Variants in MIDN observed in about 807,000 individuals in gnomAD.
MIDN encodes the protein midnolin.
In MIDN, 26 loss-of-function variants were observed where a neutral mutation model predicts 46.1. The observed-to-expected ratio is 0.56, with a 90% CI of 0.41 to 0.78. The LOEUF (loss-of-function observed/expected upper bound fraction) is 0.78, where lower values mean the gene tolerates loss of function less well. MIDN is among the 30% of genes least tolerant of loss of function. MIDN has a pLI of 0.00. For synonymous variants in MIDN, 432 were observed against 343.3 expected, an observed-to-expected ratio of 1.26 and a Z score of -2.86; for missense variants, 850 against 771.8, an observed-to-expected ratio of 1.10 and a Z score of -1.20.
chr19:1,250,312 G>C lies in MIDN; in HGVS notation c.16G>C (p.Gly6Arg). The change falls in exon 2 of 9, where the codon GGC (glycine) becomes CGC (arginine). Residue 6 changes from glycine (G) to arginine (R), a missense_variant. By Grantham distance (125) the Gly-to-Arg change is moderately radical. Coordinates refer to ENST00000682408, the MANE Select transcript of MIDN (RefSeq NM_001388306.1). MEPQP[G>R]GARSCRRGAP... ...CGCGCCGGGGATGGAGCCGCAGCCC[G>C]GCGGCGCCCGGAGCTGCCGGCGCGG... 1 of 991,768 alleles carries C rather than the reference G, an allele frequency of 1.0e-6. No individual in the cohort carries two copies. The highest frequency in any genetic ancestry group is 1.2e-6 in the Non-Finnish European group (1 of 835,436). 61.4% of individuals were successfully genotyped at this position (991,768 alleles called of 1,614,324 possible). A position where few individuals can be genotyped will look rare whatever the true frequency, so the allele number is the denominator to read the frequency against.
chr19:1,255,218 C>T (rs771268179), intron 7 of MIDN, among the ~76,000 whole-genome samples, 157 bp downstream of exon 7: 6 of 152,264 alleles, frequency 3.9e-5, no homozygotes, highest in South Asian at 2.1e-4. Flanking sequence ...CCCACACACA[C>T]GCCTGGCCCT....
intron 7 of MIDN, 145 bp downstream of exon 7, chr19:1,255,206 C>T (rs552207280): frequency 1.7e-6 from 2 of 1,172,762 alleles, no homozygotes; most frequent in East Asian, 5.1e-5. Context: ...CCCCAGGAAT[C>T]CCCCACACAC....
At position 1,258,588 on chromosome 19, in the gene MIDN, C is replaced by G. The variant is rs1461509326; in HGVS notation, c.*1316C>G. ...CCCACCTGTCGGTCTTGTCCTGGCT[C>G]TGCCTGTCCCCCACCGTTGTTCTCG... On this transcript the variant is annotated 3_prime_UTR_variant, in exon 9 of 9. Coordinates refer to ENST00000682408, the MANE Select transcript of MIDN (RefSeq NM_001388306.1). The G allele has an allele frequency of 6.6e-6, 1 of 152,352 alleles. No individual in the cohort carries two copies. Among genetic ancestry groups the G allele is most frequent in the Non-Finnish European group, 1.5e-5 (1 of 68,026 alleles). The allele number at this position is 152,352 out of a possible 1,614,324, so 9.4% of individuals were successfully genotyped here. A position where few individuals can be genotyped will look rare whatever the true frequency, so the allele number is the denominator to read the frequency against.
intron 4 of MIDN, among the ~76,000 whole-genome samples, chr19:1,253,171 C>A (rs567409881): frequency 6.6e-6 from 1 of 151,916 alleles, no homozygotes; most frequent in South Asian, 2.1e-4. Flanking sequence ...GGGACTCCAG[C>A]TGCTCTCGGG....
In MIDN at chr19:1,254,307, C is replaced by CGCT. The variant is rs1258265880; in HGVS notation, c.660_662dup (p.Ala221dup). On this transcript the variant is annotated inframe_insertion, in exon 6 of 9. Coordinates refer to ENST00000682408, the MANE Select transcript of MIDN (RefSeq NM_001388306.1). ...ATGTGCTGGCCGCTGCGGCCGCCGCCGCTGCTGCGCGGGGGGACCCCAGCA... is the reference window on the plus strand; with the variant it reads ...ATGTGCTGGCCGCTGCGGCCGCCGCCGCTGCTGCTGCGCGGGGGGACCCCAGCA... The CGCT allele has an allele frequency of 1.9e-6, 3 of 1,568,006 alleles. No homozygotes were observed. Among genetic ancestry groups the CGCT allele is most frequent in the Non-Finnish European group, 2.6e-6 (3 of 1,164,498 alleles).
At chr19:1,254,516 A>C (rs201018602) in intron 6 of MIDN, 38 bp downstream of exon 6, 3 of 1,533,024 alleles carry the variant, frequency 2.0e-6, no homozygotes, top group Admixed American at 2.0e-5. Context: ...CTTGGTTGGA[A>C]TCCAAAGGGT....
At position 1,258,453 on chromosome 19, in the gene MIDN, G is replaced by T. The variant is rs1426109386; in HGVS notation, c.*1181G>T. ...CCTAGGGGTGTCTGTCTCCAGAGGG[G>T]AGGGACAAATCCCCTACTGGGGCCA... On this transcript the variant is annotated 3_prime_UTR_variant, in exon 9 of 9. Coordinates refer to ENST00000682408, the MANE Select transcript of MIDN (RefSeq NM_001388306.1). 1 of 152,564 alleles carries T rather than the reference G, an allele frequency of 6.6e-6. No homozygotes were observed. The highest frequency in any genetic ancestry group is 1.5e-5 in the Non-Finnish European group (1 of 68,046). The allele number at this position is 152,564 out of a possible 1,614,324, so 9.5% of individuals were successfully genotyped here.
rs1029585141 is a variant in MIDN at position 1,257,680 on chromosome 19, C to T, written c.*408C>T. 2 of 198,542 alleles carry T rather than the reference C, an allele frequency of 1.0e-5. No individual in the cohort carries two copies. Among genetic ancestry groups the T allele is most frequent in the Non-Finnish European group, 2.0e-5 (2 of 97,884 alleles). The allele number at this position is 198,542 out of a possible 1,614,324, so 12.3% of individuals were successfully genotyped here. ...ATCCCTTCCGCCGCCTCCTTTCCCC[C>T]CCGACCCTATTCAGGTTTTAAGTCA... On this transcript the variant is annotated 3_prime_UTR_variant, in exon 9 of 9. Coordinates refer to ENST00000682408, the MANE Select transcript of MIDN (RefSeq NM_001388306.1).
rs1277370548 is a variant in MIDN at position 1,255,385 on chromosome 19, G to T, written c.986-37G>T. 2.6e-6 allele frequency: 4 copies of T among 1,544,750 alleles called. No individual in the cohort carries two copies. In the African/African-American group the frequency reaches 4.1e-5, roughly 16 times the overall value. On this transcript the variant is annotated intron_variant, in intron 7 of 8. Coordinates refer to ENST00000682408, the MANE Select transcript of MIDN (RefSeq NM_001388306.1). ...GCCCGTCCTGGACATGCGGGACTGT[G>T]CCCGTGCCGGGCACTCACGGCCACC...
Position 1,257,548 on chromosome 19 carries a change from CT to C in MIDN, c.*279del. ...CTCCTCCTCCTCCTCCGTCTGTCTC[CT>C]TTCACCTCTGCGCCAGGTCGGTCCT... On this transcript the variant is annotated 3_prime_UTR_variant, in exon 9 of 9. Coordinates refer to ENST00000682408, the MANE Select transcript of MIDN (RefSeq NM_001388306.1). 2.5e-6 allele frequency: 1 copy of C among 394,238 alleles called. No homozygotes were observed. The highest frequency in any genetic ancestry group is 4.5e-6 in the Non-Finnish European group (1 of 222,138). The allele number at this position is 394,238 out of a possible 1,614,324, so 24.4% of individuals were successfully genotyped here. A position where few individuals can be genotyped will look rare whatever the true frequency, so the allele number is the denominator to read the frequency against.
At chr19:1,255,843 C>T (rs890023638) in intron 8 of MIDN, 149 bp downstream of exon 8, 27 of 750,318 alleles carry the variant, frequency 3.6e-5, no homozygotes, top group African/African-American at 1.1e-4. Flanking sequence ...TGCTCCAGCC[C>T]GGAGAGAAGG....
chr19:1,248,757 G>T (rs1022871311), intron 1 of MIDN, 97 bp downstream of exon 1: 1 of 152,218 alleles, frequency 6.6e-6, no homozygotes, highest in African/African-American at 2.4e-5. Flanking sequence ...GGACAGGAGG[G>T]ATCGGGGAGC....
In MIDN at chr19:1,256,700, G is replaced by T. The variant is rs954505228; in HGVS notation, c.1259-295G>T. ...AGCTAATTTTGTAATTTTTGTAGAG[G>T]AGGGGTCTCGCTCTGTGGCTCAGGC... On this transcript the variant is annotated intron_variant, in intron 8 of 8. Coordinates refer to ENST00000682408, the MANE Select transcript of MIDN (RefSeq NM_001388306.1). Among the ~76,000 whole-genome samples the T allele has an allele frequency of 6.6e-6, 1 of 152,120 alleles. No individual in the cohort carries two copies. The highest frequency in any genetic ancestry group is 1.9e-4 in the East Asian group (1 of 5,192).
intron 2 of MIDN, among the ~76,000 whole-genome samples, 158 bp downstream of exon 2, chr19:1,250,687 G>A (rs2081114873): frequency 6.6e-6 from 1 of 150,746 alleles, no homozygotes; most frequent in Non-Finnish European, 1.5e-5. Flanking sequence ...CGCCTGCCTC[G>A]GCCCCCTCCC....
Position 1,257,300 on chromosome 19 carries a change from T to TC in MIDN, c.*29dup. On this transcript the variant is annotated 3_prime_UTR_variant, in exon 9 of 9. Transcript: ENST00000682408. ...TCTTCGGATCGGCCACCCTCGCCCC[T>TC]CGCACCCCAGCCCAGGGCGGCGGGG... The TC allele has an allele frequency of 6.2e-7, 1 of 1,600,170 alleles. No individual in the cohort carries two copies.
intron 8 of MIDN, among the ~76,000 whole-genome samples, chr19:1,256,606 C>T (rs1007006238): frequency 1.3e-5 from 2 of 152,094 alleles, no homozygotes; most frequent in Admixed American, 1.3e-4. Flanking sequence ...ACCTCCCCAG[C>T]TCATGGCTGA....
chr19:1,252,341 G>T (rs1456107646), intron 4 of MIDN, among the ~76,000 whole-genome samples: 2 of 151,984 alleles, frequency 1.3e-5, no homozygotes, highest in African/African-American at 2.4e-5. Flanking sequence ...TCCGCCTTCC[G>T]TGACCCCCAT....
chr19:1,255,634 G>A lies in MIDN; in HGVS notation c.1198G>A (p.Ala400Thr). Reference protein sequence around the residue: ...PRTTSCEKLTAAPSASLLQGQ... With the variant: ...PRTTSCEKLTTAPSASLLQGQ... ...AACTACCTCCTGCGAGAAGCTCACG[G>A]CTGCCCCCTCAGCCTCCCTGCTGCA... Residue 400 changes from alanine to threonine, a missense_variant, in exon 8 of 9, where the codon GCT becomes ACT. By Grantham distance (58) the Ala-to-Thr change is moderately conservative (BLOSUM62 0). Transcript: ENST00000682408. The A allele has an allele frequency of 6.2e-7, 1 of 1,605,744 alleles. No individual in the cohort carries two copies. The highest frequency in any genetic ancestry group is 8.5e-7 in the Non-Finnish European group (1 of 1,178,824).
intron 8 of MIDN, among the ~76,000 whole-genome samples, chr19:1,256,232 C>T (rs187145116): frequency 1.3e-5 from 2 of 152,204 alleles, no homozygotes; most frequent in African/African-American, 4.8e-5. Flanking sequence ...GCCTGTAATC[C>T]CAGCACTTTG....
Sources: gnomAD v4.1 joint callset for allele counts (sites outside exome capture counted in the v4.1 genomes callset) on GRCh38, gnomAD v4.1.1 for gene constraint, MANE v1.5 for transcripts, NCBI Gene and HGNC (gene_info 2026-07-23, HGNC 2026-07-21) for gene names.